Variants in AVEN observed in about 807,000 individuals in gnomAD.
AVEN encodes the protein cell death regulator Aven.
In AVEN, 41 loss-of-function variants were observed where a neutral mutation model predicts 38.1. The ratio of observed to expected loss-of-function variants is 1.08; its 90% CI spans 0.84 to 1.40. The LOEUF is 1.40. Among genes scored for constraint, AVEN ranks in the 40% most tolerant of loss-of-function variants. The pLI is 0.00. For synonymous variants in AVEN, 206 were observed against 171.8 expected (o/e 1.20, Z -1.56); for missense variants, 605 against 438.8 (o/e 1.38, Z -3.38).
Position 34,003,114 on chromosome 15 carries a change from A to G in AVEN, c.363T>C (p.Tyr121=), listed in dbSNP as rs1897201905. The G allele has an allele frequency of 6.2e-7, 1 of 1,613,874 alleles. No homozygotes were observed. Among genetic ancestry groups the G allele is most frequent in the African/African-American group, 1.3e-5 (1 of 75,014 alleles). The change falls in exon 2 of 6, where the codon TAT becomes TAC. Residue 121 remains tyrosine (Y), a synonymous_variant. Transcript: ENST00000306730. Reference sequence around the variant, plus strand: ...TATTGACCTCTTTTTCAATATCTTGATATCGATCCCAGTTAGAGACAATCT... The same window carrying G: ...TATTGACCTCTTTTTCAATATCTTGGTATCGATCCCAGTTAGAGACAATCT... ...KRKIVSNWDR[Y]QDIEKEVNNE... is the part of the protein sequence containing the mutation.
At chr15:33,860,978 G>T (rs574601705) in intron 11 of AVEN, 3 of 976,246 alleles carry the variant, frequency 3.1e-6, no homozygotes, top group Non-Finnish European at 4.8e-6. Context: ...GCATTAGAAA[G>T]AAAGTTTTCA....
In AVEN at chr15:34,039,201, C is replaced by CAGCAG; in HGVS notation, c.-156_-155insCTGCT. On this transcript the variant is annotated 5_prime_UTR_variant, in exon 1 of 6. Coordinates refer to ENST00000306730, the MANE Select transcript of AVEN (RefSeq NM_020371.3). ...CGGGGCTAGGGATCGAGGCCGGCCG[C>CAGCAG]AGCGGAGCGGGGCGGGGCGGGGCGG... 1.6e-6 allele frequency: 1 copy of CAGCAG among 615,302 alleles called. No homozygotes were observed. Among genetic ancestry groups the CAGCAG allele is most frequent in the Non-Finnish European group, 2.1e-6 (1 of 484,414 alleles). The allele number at this position is 615,302 out of a possible 1,614,324, so 38.1% of individuals were successfully genotyped here.
chr15:33,918,977 G>A (rs989309035), intron 2 of AVEN, among the ~76,000 whole-genome samples: 2 of 147,754 alleles, frequency 1.4e-5, no homozygotes, highest in African/African-American at 5.0e-5. Context: ...CTGGAGTGCA[G>A]TGGTGTGATC....
intron 4 of AVEN, among the ~76,000 whole-genome samples, chr15:33,868,513 C>T (rs1029651089): frequency 2.3e-5 from 3 of 131,522 alleles, no homozygotes; most frequent in Non-Finnish European, 3.1e-5. Context: ...CCACTGCACT[C>T]GAGCCTGGGC....
downstream of AVEN, among the ~76,000 whole-genome samples, chr15:33,857,612 C>T (rs1285135902): frequency 1.3e-5 from 2 of 152,046 alleles, no homozygotes; most frequent in Non-Finnish European, 2.9e-5. Flanking sequence ...GCCATCTTTC[C>T]TCCTCTGCTC....
At chr15:33,951,255 G>A (rs1015147925) in intron 2 of AVEN, among the ~76,000 whole-genome samples, 2 of 152,134 alleles carry the variant, frequency 1.3e-5, no homozygotes, top group Admixed American at 6.5e-5. Context: ...TCTCAGGTAC[G>A]CTTCCTTCAA....
chr15:33,916,349 AG>A (rs1170679585), intron 2 of AVEN, among the ~76,000 whole-genome samples: 2 of 152,218 alleles, frequency 1.3e-5, no homozygotes, highest in African/African-American at 4.8e-5. Flanking sequence ...ATCACATAAC[AG>A]GACTCTGTGC....
chr15:33,879,775 G>A (rs1216021735), intron 2 of AVEN, among the ~76,000 whole-genome samples: 1 of 152,096 alleles, frequency 6.6e-6, no homozygotes, highest in African/African-American at 2.4e-5. Context: ...ATCCCACATT[G>A]AAATGTGGTT....
At chr15:33,940,044 G>A (rs191907306) in intron 2 of AVEN, among the ~76,000 whole-genome samples, 1 of 152,320 alleles carries the variant, frequency 6.6e-6, no homozygotes, top group East Asian at 1.9e-4. Flanking sequence ...TACTCTCGAG[G>A]AACCATGAAG....
At chr15:33,898,397 T>G (rs1405242418) in intron 2 of AVEN, among the ~76,000 whole-genome samples, 1 of 152,216 alleles carries the variant, frequency 6.6e-6, no homozygotes, top group Non-Finnish European at 1.5e-5. Flanking sequence ...CTCCCAGTTC[T>G]GGAGGTTAGA....
chr15:33,868,514 G>A (rs766690078), intron 4 of AVEN, among the ~76,000 whole-genome samples: 2 of 132,648 alleles, frequency 1.5e-5, no homozygotes, highest in Admixed American at 9.1e-5. Context: ...CACTGCACTC[G>A]AGCCTGGGCA....
intron 2 of AVEN, among the ~76,000 whole-genome samples, chr15:33,912,625 G>A (rs533201239): frequency 1.3e-5 from 2 of 152,250 alleles, no homozygotes; most frequent in Non-Finnish European, 2.9e-5. Flanking sequence ...CTGAAATGCT[G>A]AGCTGTTCTA....
At position 33,944,726 on chromosome 15, in the gene AVEN, A is replaced by G. The variant is rs546893624; in HGVS notation, c.445+58306T>C. 2.6e-5 allele frequency among the ~76,000 whole-genome samples: 4 copies of G among 152,014 alleles called. No homozygotes were observed. The East Asian group carries it at 5.8e-4, about 22-fold the overall frequency. On this transcript the variant is annotated intron_variant, in intron 2 of 5. Coordinates refer to ENST00000306730, the MANE Select transcript of AVEN (RefSeq NM_020371.3). ...CGGGAGGCTGAGGCAGGAGAATGGC[A>G]TGAACTCGGGAGGCGGAACTTGCAG...
At chr15:33,934,134 G>T (rs1410319167) in intron 2 of AVEN, among the ~76,000 whole-genome samples, 1 of 151,790 alleles carries the variant, frequency 6.6e-6, no homozygotes, top group African/African-American at 2.4e-5. Flanking sequence ...TAGCATTTGG[G>T]AAGTCAAGGC....
At chr15:33,914,100 ACATTT>A (rs1221373100) in intron 2 of AVEN, among the ~76,000 whole-genome samples, 17 of 152,312 alleles carry the variant, frequency 1.1e-4, no homozygotes, top group African/African-American at 4.1e-4. Context: ...GAAGGTGCTT[ACATTT>A]GAGGAATGGG....
intron 2 of AVEN, among the ~76,000 whole-genome samples, chr15:34,000,317 CTA>C (rs1897089815): frequency 6.6e-6 from 1 of 152,216 alleles, no homozygotes; most frequent in Non-Finnish European, 1.5e-5. Context: ...GTTCACCACT[CTA>C]TGTCCAGCCT....
At position 33,870,923 on chromosome 15, in the gene AVEN, C is replaced by G. The variant is rs766645000; in HGVS notation, c.612+12G>C. The G allele has an allele frequency of 1.0e-5, 16 of 1,606,092 alleles. No individual in the cohort carries two copies. Among genetic ancestry groups the G allele is most frequent in the Middle Eastern group, 3.3e-4 (2 of 6,028 alleles). The stretch of plus-strand genomic sequence containing the variant: ...TAATCCACCCGCTTCAAGAGGGCTT[C>G]GGGATTTTTACCTGGACCAGTTCGG... On this transcript the variant is annotated intron_variant, in intron 4 of 5. Transcript: ENST00000306730.
intron 1 of AVEN, among the ~76,000 whole-genome samples, chr15:34,037,116 A>T (rs1397850691): frequency 1.3e-5 from 2 of 151,248 alleles, no homozygotes; most frequent in East Asian, 1.9e-4. Context: ...TCTCAAAAAA[A>T]AAAAAAAAAT....
intron 2 of AVEN, among the ~76,000 whole-genome samples, chr15:33,932,966 AATGCAAGATTT>A (rs1478156389): frequency 6.6e-6 from 1 of 152,230 alleles, no homozygotes; most frequent in Non-Finnish European, 1.5e-5. Flanking sequence ...GCATGCAGTA[AATGCAAGATTT>A]ATTTCATGAA....
Sources: allele counts gnomAD v4.1 joint callset (sites outside exome capture counted in the v4.1 genomes callset), GRCh38; gene constraint gnomAD v4.1.1; transcripts MANE v1.5; gene names NCBI Gene and HGNC (gene_info 2026-07-23, HGNC 2026-07-21).